MATN3: variants seen among roughly 807,000 people sequenced by gnomAD.
The protein encoded by MATN3 is matrilin-3.
A neutral mutation model predicts 45.3 loss-of-function variants in MATN3; 48 were observed. The observed-to-expected ratio is 1.06, with a 90% confidence interval of 0.84 to 1.35. The LOEUF is 1.35. Among genes scored for constraint, MATN3 ranks in the 40% most tolerant of loss-of-function variants. The probability of loss-of-function intolerance (pLI) is 0.00; values close to 1 mark genes in which losing one functional copy is unlikely to be tolerated. For synonymous variants in MATN3, 217 were observed against 245.9 expected, an observed-to-expected ratio of 0.88 and a Z score of 1.10; for missense variants, 599 against 628.0, an observed-to-expected ratio of 0.95 and a Z score of 0.49.
rs1160613006 is a variant in MATN3 at position 20,002,085 on chromosome 2, CAAA to C, written c.917-8_917-6del. The C allele has an allele frequency of 6.2e-7, 1 of 1,609,220 alleles. No individual in the cohort carries two copies. The highest frequency in any genetic ancestry group is 1.3e-5 in the African/African-American group (1 of 74,668). ...TAAGAGCACACCTATCAAGAGCTAT[CAAA>C]AGATGATTGGGACAAATGTAAATGC... On this transcript the variant is annotated splice_region_variant and splice_polypyrimidine_tract_variant and intron_variant, in intron 3 of 7. Transcript: ENST00000407540.
chr2:20,001,844 G>A, intron 4 of MATN3, 111 bp downstream of exon 4: 2 of 1,015,554 alleles, frequency 2.0e-6, no homozygotes, highest in Non-Finnish European at 2.9e-6. Context: ...AGCTCAAGGT[G>A]GCAAGAGAGG....
chr2:20,004,004 G>T lies in MATN3; in HGVS notation c.791-718C>A, dbSNP rs531557788. On this transcript the variant is annotated intron_variant, in intron 2 of 7. Transcript: ENST00000407540. ...TCCTGGAGCCATTTATATCTCATTG[G>T]ATATTTTTTTCCTAGTGACCTCTTT... is the stretch of plus-strand genomic sequence containing the variant. The T allele has an allele frequency of 3.9e-5, 6 of 152,312 alleles. No homozygotes were observed. In the East Asian group the frequency reaches 1.2e-3, roughly 29 times the overall value. 9.4% of individuals were successfully genotyped at this position (152,312 alleles called of 1,614,324 possible).
rs1282580512 is a variant in MATN3, at chr2:20,006,082, C to T, written c.452G>A (p.Gly151Asp). ...GCCTGTTGACAAGGGTGTGATTCGA[C>T]CCACGGCCTGCTTCAGGGACTGCTT... The part of the protein sequence containing the change: ...TDKQSLKQAV[G>D]RITPLSTGTM... The change falls in exon 2 of 8, where the codon GGT (glycine) becomes GAT (aspartate). Residue 151 changes from glycine to aspartate, a missense_variant. Physicochemically the swap from Gly to Asp is moderately conservative, Grantham distance 94. Coordinates refer to ENST00000407540, the MANE Select transcript of MATN3 (RefSeq NM_002381.5). 6.2e-7 allele frequency: 1 copy of T among 1,613,980 alleles called. No homozygotes were observed.
rs28598872 is a variant in MATN3, at chr2:20,006,087, G to A, written c.447C>T (p.Ala149=). 719,286 of 1,613,562 alleles carry A rather than the reference G, an allele frequency of 0.45. 163,762 individuals carry two copies. The highest frequency in any genetic ancestry group is 0.69 in the East Asian group (30,856 of 44,840). Residue 149 remains alanine, a synonymous_variant, in exon 2 of 8, where the codon GCC becomes GCT. Coordinates refer to ENST00000407540, the MANE Select transcript of MATN3 (RefSeq NM_002381.5). ...AYTDKQSLKQ[A]VGRITPLSTG... ...TTGACAAGGGTGTGATTCGACCCAC[G>A]GCCTGCTTCAGGGACTGCTTATCTG...
chr2:20,001,731 G>A (rs925523918), intron 4 of MATN3, among the ~76,000 whole-genome samples: 3 of 152,180 alleles, frequency 2.0e-5, no homozygotes, highest in Non-Finnish European at 4.4e-5. Context: ...GATTGTTCAG[G>A]CTGGCTACAG....
chr2:20,002,267 C>T (rs1673000857), intron 3 of MATN3, among the ~76,000 whole-genome samples, 187 bp from the exon 4 acceptor site: 2 of 152,024 alleles, frequency 1.3e-5, no homozygotes, highest in East Asian at 1.9e-4. Flanking sequence ...CACTAAGAGA[C>T]CCTGTGACAT....
In MATN3 at chr2:19,997,267, C is replaced by T. The variant is rs758856463; in HGVS notation, c.1169-8G>A. On this transcript the variant is annotated splice_polypyrimidine_tract_variant and splice_region_variant and intron_variant, in intron 5 of 7. Transcript: ENST00000407540. ...GGGCACACTTGTCACGGACTGACCG[C>T]ACGTGGTGCAGGAAAGAAAATATTC... 1.9e-6 allele frequency: 3 copies of T among 1,595,208 alleles called. No individual in the cohort carries two copies. The highest frequency in any genetic ancestry group is 1.1e-5 in the South Asian group (1 of 87,388).
At chr2:19,997,750 AGACT>A (rs1473596071) in intron 5 of MATN3, 1 of 150,792 alleles carries the variant, frequency 6.6e-6, no homozygotes, top group Non-Finnish European at 1.5e-5. Context: ...GTAACAGAAA[AGACT>A]GACCAGGAGA....
intron 2 of MATN3, among the ~76,000 whole-genome samples, chr2:20,004,604 T>A (rs1432289272): frequency 1.3e-5 from 2 of 152,198 alleles, no homozygotes; most frequent in Admixed American, 1.3e-4. Context: ...ATCTCCCTTT[T>A]CCTGACAAAC....
chr2:19,994,325 G>A lies in MATN3; in HGVS notation c.1379C>T (p.Ser460Leu), dbSNP rs771396147. Residue 460 changes from serine (S) to leucine (L), a missense_variant, in exon 7 of 8, where the codon TCG becomes TTG. Coordinates refer to ENST00000407540, the MANE Select transcript of MATN3 (RefSeq NM_002381.5). Reference protein sequence around the residue: ...ATLAFQDKVSSYLQRLNTKLD... With the variant: ...ATLAFQDKVSLYLQRLNTKLD... The stretch of plus-strand genomic sequence containing the variant: ...TTTAGTGTTCAGTCTTTGAAGATAC[G>A]AGCTGACCTTGTCCTGGAATGCCAG... The A allele has an allele frequency of 8.7e-6, 14 of 1,612,980 alleles. No individual in the cohort carries two copies. The highest frequency in any genetic ancestry group is 5.3e-5 in the African/African-American group (4 of 74,898).
intron 1 of MATN3, 104 bp from the exon 2 acceptor site, chr2:20,006,414 G>T: frequency 1.2e-6 from 1 of 828,356 alleles, no homozygotes; most frequent in Non-Finnish European, 1.8e-6. Flanking sequence ...AGCATCTCCT[G>T]ACCCCAACAT....
chr2:20,010,698 C>G (rs951781276), intron 1 of MATN3, among the ~76,000 whole-genome samples: 1 of 152,202 alleles, frequency 6.6e-6, no homozygotes, highest in African/African-American at 2.4e-5. Context: ...TCCCCTAGAG[C>G]CTCCCAAAAG....
chr2:19,996,638 G>A (rs1019511886), intron 6 of MATN3, among the ~76,000 whole-genome samples: 1 of 152,102 alleles, frequency 6.6e-6, no homozygotes, highest in African/African-American at 2.4e-5. Context: ...GTGAATCTGG[G>A]GGCAAATGTA....
chr2:19,994,483 C>T lies in MATN3; in HGVS notation c.1295-74G>A, dbSNP rs866347884. 6.9e-6 allele frequency: 6 copies of T among 870,614 alleles called. No individual in the cohort carries two copies. The Middle Eastern group carries it at 1.3e-3, about 190-fold the overall frequency. The allele number at this position is 870,614 out of a possible 1,614,324, so 53.9% of individuals were successfully genotyped here. On this transcript the variant is annotated intron_variant, in intron 6 of 7. Coordinates refer to ENST00000407540, the MANE Select transcript of MATN3 (RefSeq NM_002381.5). ...AGGAATCATAACAAATCAGGAAATC[C>T]ACAGTTGAATATTTCCACCGTTAAG...
rs1250342936 is a variant in MATN3 at position 19,995,121 on chromosome 2, A to T, written c.1295-712T>A. On this transcript the variant is annotated intron_variant, in intron 6 of 7. Coordinates refer to ENST00000407540, the MANE Select transcript of MATN3 (RefSeq NM_002381.5). The surrounding 1 kb of genome is among the most constrained non-coding windows in gnomAD (Gnocchi z 4.2). ...ATAAATAAATAAAAATAAAACTAGG[A>T]CAATAGTCCTCTATTTGTATGGCTA... Among the ~76,000 whole-genome samples, 1 of 151,808 alleles carries T rather than the reference A, an allele frequency of 6.6e-6. No homozygotes were observed. Among genetic ancestry groups the T allele is most frequent in the Non-Finnish European group, 1.5e-5 (1 of 67,950 alleles).
In MATN3 at chr2:20,003,284, G is replaced by A. The variant is rs1673026007; in HGVS notation, c.793C>T (p.Leu265=). ...TGTGTTCCAAGCACACAGGGGTCCA[G>A]CGCTGTGAGAGGAAGTTTACAACAG... ...SSRFQETFCA[L]DPCVLGTHQC... Residue 265 remains leucine (L), a splice_region_variant and synonymous_variant, in exon 3 of 8, where the codon CTG becomes TTG. Coordinates refer to ENST00000407540, the MANE Select transcript of MATN3 (RefSeq NM_002381.5). 1 of 1,611,272 alleles carries A rather than the reference G, an allele frequency of 6.2e-7. No individual in the cohort carries two copies. The highest frequency in any genetic ancestry group is 1.7e-5 in the Admixed American group (1 of 59,902).
At position 20,007,076 on chromosome 2, in the gene MATN3, T is replaced by C. The variant is rs575648954; in HGVS notation, c.224-766A>G. On this transcript the variant is annotated intron_variant, in intron 1 of 7. Transcript: ENST00000407540. ...ACAAAAAATTAGCCGGGCGTGGTAG[T>C]GGGTGCCTGTATTCCCAGCTACTCG... is the stretch of plus-strand genomic sequence containing the variant. Among the ~76,000 whole-genome samples the C allele has an allele frequency of 9.9e-4, 150 of 152,032 alleles. 1 individual carries two copies. The highest frequency in any genetic ancestry group is 2.9e-3 in the African/African-American group (119 of 41,452).
At chr2:20,010,064 T>TCCAAAAAAAAAAAAAAAAAAAAAA (rs1247085339) in intron 1 of MATN3, among the ~76,000 whole-genome samples, 15 of 10,780 alleles carry the variant, frequency 1.4e-3, no homozygotes, top group Admixed American at 3.1e-3. Flanking sequence ...TCTCTTCAAA[T>TCCAAAAAAAAAAAAAAAAAAAAAA]ACTAAAAAAA....
At chr2:20,000,267 G>C (rs1206955855) in intron 5 of MATN3, among the ~76,000 whole-genome samples, 174 bp downstream of exon 5, 1 of 152,184 alleles carries the variant, frequency 6.6e-6, no homozygotes, top group African/African-American at 2.4e-5. Flanking sequence ...AGTAATCTAT[G>C]TTTGCTCCAG....
Sources: gnomAD v4.1 joint callset for allele counts (sites outside exome capture counted in the v4.1 genomes callset) on GRCh38, gnomAD v4.1.1 for gene constraint, Gnocchi (gnomAD v3.1) non-coding constraint, MANE v1.5 for transcripts, NCBI Gene and HGNC (gene_info 2026-07-23, HGNC 2026-07-21) for gene names.